Variants in SPSB4 observed in about 807,000 individuals in gnomAD.
SPSB4 encodes the protein splA/ryanodine receptor domain and SOCS box containing 4, also known as SPRY domain-containing SOCS box protein 4.
In SPSB4, 21 loss-of-function variants were observed where a neutral mutation model predicts 20.9. That is an observed-to-expected ratio of 1.01 (90% confidence interval 0.71 to 1.45). The LOEUF is 1.45. Among genes scored for constraint, SPSB4 ranks in the 40% most tolerant of loss-of-function variants. The pLI is 0.00. For missense variants in SPSB4, 399 were observed against 399.2 expected (o/e 1.00, Z 0.00); for synonymous variants, 207 against 183.8 (o/e 1.13, Z -1.02).
chr3:141,139,738 AC>A (rs1467906609), intron 2 of SPSB4, among the ~76,000 whole-genome samples: 2 of 152,302 alleles, frequency 1.3e-5, no homozygotes, highest in East Asian at 3.9e-4. Flanking sequence ...TTTGTGGGTA[AC>A]CCCACCTTTC....
At chr3:141,136,321 T>A (rs1939227482) in intron 2 of SPSB4, among the ~76,000 whole-genome samples, 1 of 152,248 alleles carries the variant, frequency 6.6e-6, no homozygotes, top group Non-Finnish European at 1.5e-5. Context: ...TTTCTTTTGC[T>A]GTGCAGAAGC....
At chr3:141,101,960 T>C (rs1339289542) in intron 2 of SPSB4, among the ~76,000 whole-genome samples, 1 of 152,226 alleles carries the variant, frequency 6.6e-6, no homozygotes, top group Non-Finnish European at 1.5e-5. Context: ...AAGGGCCCTT[T>C]CCTCCAGGAA....
At position 141,147,406 on chromosome 3, in the gene SPSB4, C is replaced by T. The variant is rs1298487774; in HGVS notation, c.*137C>T. 2 of 1,437,016 alleles carry T rather than the reference C, an allele frequency of 1.4e-6. No individual in the cohort carries two copies. Among genetic ancestry groups the T allele is most frequent in the African/African-American group, 2.8e-5 (2 of 70,876 alleles). 89.0% of individuals were successfully genotyped at this position (1,437,016 alleles called of 1,614,324 possible). A position where few individuals can be genotyped will look rare whatever the true frequency, so the allele number is the denominator to read the frequency against. On this transcript the variant is annotated 3_prime_UTR_variant, in exon 3 of 3. Coordinates refer to ENST00000310546, the MANE Select transcript of SPSB4 (RefSeq NM_080862.3). Reference sequence around the variant, plus strand: ...CCAGGACACTCAGTTCTTTCAAAGACCAGGATGTGGTACCAACTTTGGAAA... The same window carrying T: ...CCAGGACACTCAGTTCTTTCAAAGATCAGGATGTGGTACCAACTTTGGAAA...
intron 2 of SPSB4, among the ~76,000 whole-genome samples, chr3:141,094,611 T>G (rs1333369804): frequency 6.6e-6 from 1 of 152,160 alleles, no homozygotes; most frequent in African/African-American, 2.4e-5. Flanking sequence ...TTGTGTTTAC[T>G]CCTGGGCCTT....
At chr3:141,108,526 C>G (rs982838478) in intron 2 of SPSB4, among the ~76,000 whole-genome samples, 2 of 152,202 alleles carry the variant, frequency 1.3e-5, no homozygotes, top group African/African-American at 4.8e-5. Context: ...GATAGATGTT[C>G]TGTGTGTGTT....
intron 2 of SPSB4, among the ~76,000 whole-genome samples, chr3:141,133,614 A>G (rs765606140): frequency 2.2e-4 from 34 of 152,270 alleles, no homozygotes; most frequent in Middle Eastern, 3.4e-3. Flanking sequence ...ATTTGGCTTT[A>G]TCTCTGGGTT....
chr3:141,119,341 G>C (rs1351302640), intron 2 of SPSB4, among the ~76,000 whole-genome samples: 1 of 152,224 alleles, frequency 6.6e-6, no homozygotes, highest in Admixed American at 6.5e-5. Flanking sequence ...CATTGATTTT[G>C]TATCCTGAGA....
At chr3:141,146,723 C>G (rs1260040015) in intron 2 of SPSB4, among the ~76,000 whole-genome samples, 3 of 150,770 alleles carry the variant, frequency 2.0e-5, no homozygotes, top group African/African-American at 7.3e-5. Context: ...GCAGTGAGCC[C>G]AGATTGTGCC....
intron 1 of SPSB4, among the ~76,000 whole-genome samples, chr3:141,055,243 G>A (rs914449652): frequency 2.0e-5 from 3 of 152,120 alleles, no homozygotes; most frequent in African/African-American, 7.2e-5. Flanking sequence ...GGAGGGAAGA[G>A]GATGTAGTGG....
chr3:141,074,343 C>T (rs1205001435), intron 2 of SPSB4, among the ~76,000 whole-genome samples: 3 of 152,040 alleles, frequency 2.0e-5, no homozygotes, highest in African/African-American at 7.2e-5. Context: ...ACTGAAAAAG[C>T]GGTAGGTTTA....
chr3:141,127,751 C>T (rs1387129166), intron 2 of SPSB4, among the ~76,000 whole-genome samples: 1 of 152,250 alleles, frequency 6.6e-6, no homozygotes, highest in East Asian at 1.9e-4. Flanking sequence ...CGAGGCCACT[C>T]TGCCAGCTGG....
chr3:141,070,351 G>A (rs1937976811), intron 2 of SPSB4, among the ~76,000 whole-genome samples: 1 of 151,870 alleles, frequency 6.6e-6, no homozygotes, highest in African/African-American at 2.4e-5. Flanking sequence ...TTGTTTTCTA[G>A]AGACAGAATC....
intron 2 of SPSB4, among the ~76,000 whole-genome samples, chr3:141,079,401 G>T (rs911857546): frequency 1.3e-4 from 20 of 152,304 alleles, no homozygotes; most frequent in Admixed American, 6.5e-4. Context: ...GGAATCCTGA[G>T]AAATTTCCAG....
At chr3:141,085,394 C>T (rs1463235996) in intron 2 of SPSB4, among the ~76,000 whole-genome samples, 3 of 152,206 alleles carry the variant, frequency 2.0e-5, no homozygotes, top group Admixed American at 6.5e-5. Flanking sequence ...CCCCAGGCTC[C>T]TTCTGCCTGC....
At chr3:141,129,987 C>A (rs1447009992) in intron 2 of SPSB4, among the ~76,000 whole-genome samples, 1 of 152,242 alleles carries the variant, frequency 6.6e-6, no homozygotes, top group Non-Finnish European at 1.5e-5. Context: ...TGTGTCCCAG[C>A]TGTAGTCACA....
intron 2 of SPSB4, among the ~76,000 whole-genome samples, chr3:141,106,881 C>A (rs943248802): frequency 2.0e-5 from 3 of 152,312 alleles, no homozygotes; most frequent in East Asian, 1.9e-4. Flanking sequence ...ACCACCACTC[C>A]TGAGCCCCTC....
chr3:141,113,603 A>G (rs1938838707), intron 2 of SPSB4, among the ~76,000 whole-genome samples: 1 of 152,226 alleles, frequency 6.6e-6, no homozygotes, highest in Admixed American at 6.5e-5. Flanking sequence ...TGGGCATGGA[A>G]TATCCAGAAT....
intron 2 of SPSB4, among the ~76,000 whole-genome samples, chr3:141,140,997 C>G (rs1559858478): frequency 6.6e-6 from 1 of 151,412 alleles, no homozygotes; most frequent in East Asian, 1.9e-4. Context: ...GCTTCCTGGC[C>G]ACTTGGTTTT....
chr3:141,111,354 CTTTTTTTTTTTTTTT>C (rs34223433), intron 2 of SPSB4, among the ~76,000 whole-genome samples: 8 of 61,804 alleles, frequency 1.3e-4, no homozygotes, highest in Non-Finnish European at 2.2e-4. Flanking sequence ...CTGGAACTTG[CTTTTTTTTTTTTTTT>C]TTTTTTTTTT....
Sources: gnomAD v4.1 joint callset for allele counts (sites outside exome capture counted in the v4.1 genomes callset) on GRCh38, gnomAD v4.1.1 for gene constraint, MANE v1.5 for transcripts, NCBI Gene and HGNC (gene_info 2026-07-23, HGNC 2026-07-21) for gene names.